AMPH: variants seen among roughly 807,000 people sequenced by gnomAD.
AMPH encodes amphiphysin (Stiff-Mann syndrome with breast cancer 128kD autoantigen).
A neutral mutation model predicts 99.1 loss-of-function variants in AMPH; 49 were observed. The observed-to-expected ratio is 0.49, with a 90% CI of 0.39 to 0.63. AMPH has a LOEUF of 0.63. Among genes scored for constraint, AMPH ranks in the 20% least tolerant of loss-of-function variants. The probability of loss-of-function intolerance (pLI) is 0.00; values close to 1 mark genes in which losing one functional copy is unlikely to be tolerated. For missense variants in AMPH, 759 were observed against 863.4 expected, an observed-to-expected ratio of 0.88 and a Z score of 1.52; for synonymous variants, 314 against 317.3, an observed-to-expected ratio of 0.99 and a Z score of 0.11.
intron 1 of AMPH, among the ~76,000 whole-genome samples, chr7:38,549,313 A>C (rs778940897): frequency 1.2e-4 from 18 of 152,360 alleles, no homozygotes; most frequent in Non-Finnish European, 2.2e-4. Context: ...AATCACAACC[A>C]ATTTCATAGG....
chr7:38,483,795 T>C (rs1386328976), intron 5 of AMPH, among the ~76,000 whole-genome samples: 1 of 152,038 alleles, frequency 6.6e-6, no homozygotes, highest in African/African-American at 2.4e-5. Context: ...AGAAACAAAA[T>C]AAATTTACAA....
intron 17 of AMPH, among the ~76,000 whole-genome samples, chr7:38,416,125 AT>A (rs1785379124): frequency 1.5e-5 from 2 of 133,786 alleles, no homozygotes; most frequent in African/African-American, 2.7e-5. Context: ...ATATATATAT[AT>A]TAGCTATTAC....
At chr7:38,388,713 C>T (rs1329128875) in intron 20 of AMPH, among the ~76,000 whole-genome samples, 3 of 151,988 alleles carry the variant, frequency 2.0e-5, no homozygotes, top group Non-Finnish European at 2.9e-5. Flanking sequence ...GATCATGGCT[C>T]ACTGCAGCCT....
At chr7:38,457,840 C>G (rs990934507) in intron 11 of AMPH, among the ~76,000 whole-genome samples, 5 of 152,096 alleles carry the variant, frequency 3.3e-5, no homozygotes, top group African/African-American at 4.8e-5. Flanking sequence ...GTCAGTTTAT[C>G]TTTTAATTTA....
chr7:38,507,973 G>A (rs3807408), intron 2 of AMPH, among the ~76,000 whole-genome samples: 9,961 of 152,166 alleles, frequency 0.065, 532 homozygotes, highest in East Asian at 0.26. Flanking sequence ...ATTCTGAAGC[G>A]CTGCAATATA....
At chr7:38,589,260 A>G (rs1454988561) in intron 1 of AMPH, among the ~76,000 whole-genome samples, 2 of 152,240 alleles carry the variant, frequency 1.3e-5, no homozygotes, top group Non-Finnish European at 2.9e-5. Flanking sequence ...ATAAATGAAT[A>G]TGGTCAACAC....
At chr7:38,522,167 C>T (rs1789989153) in intron 2 of AMPH, among the ~76,000 whole-genome samples, 1 of 152,104 alleles carries the variant, frequency 6.6e-6, no homozygotes, top group Admixed American at 6.5e-5. Context: ...GCAACCAAAC[C>T]ATACATTTTA....
intron 1 of AMPH, among the ~76,000 whole-genome samples, chr7:38,571,677 T>C (rs1341289990): frequency 7.4e-6 from 1 of 134,558 alleles, no homozygotes; most frequent in Non-Finnish European, 1.7e-5. Flanking sequence ...AAAAAACCTC[T>C]AAAAATTAAA....
intron 12 of AMPH, 140 bp from the exon 13 acceptor site, chr7:38,432,352 A>G: frequency 1.4e-6 from 1 of 702,100 alleles, no homozygotes. Context: ...TTTTTTGGTG[A>G]AGGAAATGAT....
At chr7:38,620,596 ATTGATTAAATG>A (rs1794026931) in intron 1 of AMPH, among the ~76,000 whole-genome samples, 2 of 146,216 alleles carry the variant, frequency 1.4e-5, no homozygotes, top group Non-Finnish European at 3.0e-5. Context: ...CACACGTGCA[ATTGATTAAATG>A]TTGATTAAAT....
intron 13 of AMPH, among the ~76,000 whole-genome samples, chr7:38,431,600 G>T (rs4723753): frequency 0.7 from 104,868 of 150,572 alleles, 37,599 homozygotes; most frequent in Non-Finnish European, 0.8. Flanking sequence ...AGCTTGCAGT[G>T]AGCCGAGACA....
intron 11 of AMPH, among the ~76,000 whole-genome samples, chr7:38,458,579 A>G (rs745949056): frequency 6.6e-6 from 1 of 152,178 alleles, no homozygotes; most frequent in Non-Finnish European, 1.5e-5. Flanking sequence ...TAAACCTAAT[A>G]TATCACATCA....
chr7:38,596,447 TTTGTATG>T (rs1356731246), intron 1 of AMPH, among the ~76,000 whole-genome samples: 3 of 152,100 alleles, frequency 2.0e-5, no homozygotes, highest in African/African-American at 7.2e-5. Context: ...GGGTAAAAGT[TTTGTATG>T]TTGAGACACT....
chr7:38,543,479 C>G (rs1421060063), intron 1 of AMPH, among the ~76,000 whole-genome samples: 1 of 152,090 alleles, frequency 6.6e-6, no homozygotes, highest in African/African-American at 2.4e-5. Context: ...AAAATGCCCA[C>G]TTTACTAAAT....
intron 1 of AMPH, among the ~76,000 whole-genome samples, chr7:38,612,533 G>A (rs1249007316): frequency 6.6e-6 from 1 of 152,168 alleles, no homozygotes; most frequent in African/African-American, 2.4e-5. Context: ...AAGGGCCTCA[G>A]AAACACTGAT....
chr7:38,432,291 G>C (rs1415386385), intron 12 of AMPH, 79 bp from the exon 13 acceptor site: 3 of 1,296,460 alleles, frequency 2.3e-6, no homozygotes, highest in Non-Finnish European at 3.3e-6. Context: ...AAAAGTTCTT[G>C]AAATCATAAG....
chr7:38,460,681 A>G (rs1321914601), intron 11 of AMPH, among the ~76,000 whole-genome samples: 1 of 152,224 alleles, frequency 6.6e-6, no homozygotes, highest in African/African-American at 2.4e-5. Context: ...ATAGAATAAT[A>G]GATACCAGAG....
At chr7:38,440,495 G>A (rs1786464032) in intron 11 of AMPH, among the ~76,000 whole-genome samples, 1 of 152,124 alleles carries the variant, frequency 6.6e-6, no homozygotes, top group Non-Finnish European at 1.5e-5. Context: ...AATAGTAACT[G>A]CCTAGGTAAC....
chr7:38,417,511 C>T (rs1785423851), intron 17 of AMPH, among the ~76,000 whole-genome samples: 1 of 152,182 alleles, frequency 6.6e-6, no homozygotes, highest in African/African-American at 2.4e-5. Context: ...CTAATAAAGG[C>T]ACGTCTCCAG....
Sources: gnomAD v4.1 joint callset for allele counts (sites outside exome capture counted in the v4.1 genomes callset) on GRCh38, gnomAD v4.1.1 for gene constraint, MANE v1.5 for transcripts, NCBI Gene and HGNC (gene_info 2026-07-23, HGNC 2026-07-21) for gene names.